The following ZNF91 variants were observed in gnomAD, a reference collection of about 807,000 sequenced individuals.
The protein encoded by ZNF91 is zinc finger protein 91 (HPF7, HTF10).
Under a neutral mutation model 12.6 loss-of-function variants are expected in ZNF91, and 7 were observed. The ratio of observed to expected loss-of-function variants is 0.55; its 90% CI spans 0.31 to 1.04. The LOEUF (loss-of-function observed/expected upper bound fraction) is 1.04. Ranked by LOEUF, ZNF91 falls within the 50% of genes least tolerant of loss-of-function variation. ZNF91 has a pLI of 0.05. For synonymous variants in ZNF91, 453 were observed against 462.6 expected, an observed-to-expected ratio of 0.98 and a Z score of 0.27; for missense variants, 1,217 against 1,385.4, an observed-to-expected ratio of 0.88 and a Z score of 1.93.
intron 3 of ZNF91, among the ~76,000 whole-genome samples, chr19:23,363,452 T>A (rs1968889519): frequency 6.6e-6 from 1 of 152,182 alleles, no homozygotes; most frequent in Non-Finnish European, 1.5e-5. Context: ...TCCTACAAAG[T>A]AACATAAGTA....
chr19:23,370,173 C>G (rs1969217614), intron 3 of ZNF91, among the ~76,000 whole-genome samples: 1 of 151,246 alleles, frequency 6.6e-6, no homozygotes, highest in Non-Finnish European at 1.5e-5. Flanking sequence ...AAATATGCAT[C>G]ATAAGACCCT....
At chr19:23,336,672 G>GT (rs1309363321), downstream of ZNF91, among the ~76,000 whole-genome samples, 2 of 152,156 alleles carry the variant, frequency 1.3e-5, no homozygotes, top group Admixed American at 1.3e-4. Flanking sequence ...GCTGCTCTTT[G>GT]TTAAAAAGAA....
intron 1 of ZNF91, among the ~76,000 whole-genome samples, chr19:23,387,354 G>A (rs1214958908): frequency 6.6e-6 from 1 of 152,180 alleles, no homozygotes; most frequent in East Asian, 1.9e-4. Context: ...GTGTTTCACT[G>A]CAGCACTATT....
Position 23,361,173 on chromosome 19 carries a change from G to C in ZNF91, c.1806C>G (p.Tyr602Ter). ...HKIIHTGEKS[Y>*]KCEECGKAFL... ...ATGCTTTGCCACATTCTTCACACTT[G>C]TAAGACTTCTCTCCAGTATGAATTA... Residue 602 changes from tyrosine (Y) to a stop codon, truncating the protein, a stop_gained, in exon 4 of 4, where the codon TAC (tyrosine) becomes TAG (stop). Coordinates refer to ENST00000300619, the MANE Select transcript of ZNF91 (RefSeq NM_003430.4). LOFTEE classifies it low-confidence loss of function (END_TRUNC). 1 of 1,613,592 alleles carries C rather than the reference G, an allele frequency of 6.2e-7. No homozygotes were observed. Among genetic ancestry groups the C allele is most frequent in the Non-Finnish European group, 8.5e-7 (1 of 1,179,818 alleles).
At chr19:23,334,960 A>T (rs1967980179), downstream of ZNF91, among the ~76,000 whole-genome samples, 2 of 152,162 alleles carry the variant, frequency 1.3e-5, no homozygotes, top group African/African-American at 4.8e-5. Context: ...CCAAAAAAGA[A>T]TTTTTTTAAC....
At chr19:23,339,222 T>C (rs1247195753) in intron 3 of ZNF91, 1 of 152,064 alleles carries the variant, frequency 6.6e-6, no homozygotes, top group Non-Finnish European at 1.5e-5. Context: ...TAGGAGTATC[T>C]ATACTTACAT....
intron 1 of ZNF91, 21 bp from the exon 2 acceptor site, chr19:23,374,785 C>T (rs781361622): frequency 1.2e-6 from 2 of 1,603,896 alleles, no homozygotes; most frequent in South Asian, 2.2e-5. Context: ...CACACAAACA[C>T]ACATATTTAC....
In ZNF91 at chr19:23,359,852, T is replaced by A. The variant is rs1568382026; in HGVS notation, c.3127A>T (p.Ile1043Phe). 2.5e-6 allele frequency: 4 copies of A among 1,613,680 alleles called. No individual in the cohort carries two copies. Among genetic ancestry groups the A allele is most frequent in the Non-Finnish European group, 3.4e-6 (4 of 1,179,786 alleles). ...RSSKLTTHKIIHTGEKPYKCE... is the reference protein window; with the variant it reads ...RSSKLTTHKIFHTGEKPYKCE... Reference sequence around the variant, plus strand: ...TTGTAAGGTTTCTCTCCAGTATGAATTATCTTATGTGTAGTAAGCTTTGAG... The same window carrying A: ...TTGTAAGGTTTCTCTCCAGTATGAAATATCTTATGTGTAGTAAGCTTTGAG... Residue 1043 changes from isoleucine to phenylalanine, a missense_variant, in exon 4 of 4, where the codon ATT becomes TTT. By Grantham distance (21) the Ile-to-Phe change is conservative. Coordinates refer to ENST00000300619, the MANE Select transcript of ZNF91 (RefSeq NM_003430.4).
intron 1 of ZNF91, chr19:23,384,746 C>T (rs1969820344): frequency 1.6e-6 from 1 of 621,318 alleles, no homozygotes. Context: ...TAGGAGAAAG[C>T]ACACCTGGGT....
rs1006532052 is a variant in ZNF91, at chr19:23,348,251, G to A, written c.254-9197C>T. Among the ~76,000 whole-genome samples the A allele has an allele frequency of 3.3e-5, 5 of 152,148 alleles. No homozygotes were observed. In the South Asian group the frequency reaches 1.0e-3, roughly 32 times the overall value. ...ACACCAAAGGCACACTCTTTTTATA[G>A]TCCCTTTGAAATCATGTATGGCTGA... is the stretch of plus-strand genomic sequence containing the variant. On this transcript the variant is annotated intron_variant, in intron 3 of 3. Coordinates refer to the ZNF91 transcript ENST00000599743.
intron 1 of ZNF91, chr19:23,384,728 C>T: frequency 1.6e-6 from 1 of 612,400 alleles, no homozygotes. Context: ...GAGCTTTTAC[C>T]TGGAAACTAG....
chr19:23,337,417 A>G (rs1376727095), downstream of ZNF91, among the ~76,000 whole-genome samples: 2 of 151,830 alleles, frequency 1.3e-5, no homozygotes, highest in African/African-American at 4.8e-5. Context: ...CCACTGCACA[A>G]ACCCAAAAGT....
At chr19:23,369,489 A>G (rs1383271830) in intron 3 of ZNF91, among the ~76,000 whole-genome samples, 2 of 151,908 alleles carry the variant, frequency 1.3e-5, no homozygotes, top group Admixed American at 6.5e-5. Flanking sequence ...CCCGGCCACC[A>G]CCCCGTCTGG....
downstream of ZNF91, among the ~76,000 whole-genome samples, chr19:23,337,305 T>C (rs1009540999): frequency 6.6e-6 from 1 of 152,060 alleles, no homozygotes; most frequent in African/African-American, 2.4e-5. Context: ...TATGTATTTA[T>C]AAACACACAC....
intron 1 of ZNF91, among the ~76,000 whole-genome samples, chr19:23,323,480 G>A (rs935519730): frequency 3.4e-5 from 4 of 116,546 alleles, no homozygotes; most frequent in South Asian, 3.0e-4. Context: ...CTTCTCCTCC[G>A]TCTTCTTCCT....
chr19:23,393,837 T>C (rs1263156546), intron 1 of ZNF91, among the ~76,000 whole-genome samples: 1 of 151,868 alleles, frequency 6.6e-6, no homozygotes, highest in Non-Finnish European at 1.5e-5. Context: ...CTGTCTGTAC[T>C]AAAAATACAA....
At position 23,359,091 on chromosome 19, in the gene ZNF91, G is replaced by A; in HGVS notation, c.*312C>T. 1 of 559,644 alleles carries A rather than the reference G, an allele frequency of 1.8e-6. No individual in the cohort carries two copies. Among genetic ancestry groups the A allele is most frequent in the Non-Finnish European group, 3.4e-6 (1 of 292,248 alleles). 34.7% of individuals were successfully genotyped at this position (559,644 alleles called of 1,614,324 possible). ...TGGTTAGGGCTGAGGACCAGAAAAA[G>A]GATTTGCCACATTCTTCACATTTGT... On this transcript the variant is annotated 3_prime_UTR_variant, in exon 4 of 4. Transcript: ENST00000300619.
chr19:23,340,113 C>T (rs969057077), intron 3 of ZNF91: 4 of 151,874 alleles, frequency 2.6e-5, no homozygotes, highest in East Asian at 3.9e-4. Context: ...TATTAAGGAC[C>T]TGACATCACA....
intron 1 of ZNF91, among the ~76,000 whole-genome samples, chr19:23,317,942 T>C (rs1171282120): frequency 6.6e-6 from 1 of 152,222 alleles, no homozygotes. Flanking sequence ...GCATGTGAGA[T>C]TGTGTGACAT....
Sources: gnomAD v4.1 joint callset for allele counts (sites outside exome capture counted in the v4.1 genomes callset) on GRCh38, gnomAD v4.1.1 for gene constraint, MANE v1.5 for transcripts, NCBI Gene and HGNC (gene_info 2026-07-23, HGNC 2026-07-21) for gene names.